Variants in ZC3HAV1L observed in about 807,000 individuals in gnomAD.
The protein encoded by ZC3HAV1L is zinc finger CCCH-type antiviral protein 1-like.
ZC3HAV1L carries 23 observed loss-of-function variants against 28.2 expected under a neutral mutation model. The ratio of observed to expected loss-of-function variants is 0.82; its 90% CI spans 0.59 to 1.16. The LOEUF (loss-of-function observed/expected upper bound fraction) is 1.16, where lower values mean the gene tolerates loss of function less well. Among genes scored for constraint, ZC3HAV1L ranks in the 50% most tolerant of loss-of-function variants. ZC3HAV1L has a pLI of 0.00. For synonymous variants in ZC3HAV1L, 180 were observed against 163.4 expected (o/e 1.10, Z -0.78); for missense variants, 376 against 387.7 (o/e 0.97, Z 0.25).
intron 2 of ZC3HAV1L, 141 bp from the exon 3 acceptor site, chr7:139,029,101 C>G: frequency 1.0e-6 from 1 of 979,892 alleles, no homozygotes; most frequent in African/African-American, 1.6e-5. Context: ...CTCCCGCGTT[C>G]AAGCAATTCT....
At chr7:139,034,966 T>A (rs1815655658) in intron 1 of ZC3HAV1L, 1 of 985,366 alleles carries the variant, frequency 1.0e-6, no homozygotes, top group South Asian at 4.7e-5. Flanking sequence ...CACCTGGCCT[T>A]CTCCCCGGCA....
chr7:139,031,511 G>T (rs1049592409), intron 2 of ZC3HAV1L, among the ~76,000 whole-genome samples: 64 of 151,984 alleles, frequency 4.2e-4, no homozygotes, highest in African/African-American at 1.5e-3. Flanking sequence ...GCTTGAACCT[G>T]GGAGGCAGAG....
intron 3 of ZC3HAV1L, among the ~76,000 whole-genome samples, 165 bp downstream of exon 3, chr7:139,028,537 A>G (rs963196077): frequency 2.6e-5 from 4 of 152,190 alleles, no homozygotes; most frequent in South Asian, 2.1e-4. Flanking sequence ...GTTCTATACA[A>G]TACAATGTTG....
intron 2 of ZC3HAV1L, among the ~76,000 whole-genome samples, chr7:139,031,766 AT>A (rs1563115317): frequency 1.3e-5 from 2 of 151,926 alleles, no homozygotes; most frequent in Non-Finnish European, 2.9e-5. Flanking sequence ...CTAGCTGGGT[AT>A]GGTGGCAAGC....
At chr7:139,033,704 AT>A in intron 2 of ZC3HAV1L, 2 of 984,902 alleles carry the variant, frequency 2.0e-6, no homozygotes, top group Non-Finnish European at 2.4e-6. Flanking sequence ...CCAAAAAAAC[AT>A]TCGATAGATT....
At chr7:139,031,661 T>C (rs1477875519) in intron 2 of ZC3HAV1L, among the ~76,000 whole-genome samples, 1 of 151,368 alleles carries the variant, frequency 6.6e-6, no homozygotes. Context: ...TCCCAGCACT[T>C]TGGGAGGCCA....
downstream of ZC3HAV1L, chr7:139,022,259 T>C (rs182734675): frequency 1.2e-4 from 21 of 173,152 alleles, no homozygotes; most frequent in Admixed American, 1.2e-3. Context: ...TTGGAAAAAA[T>C]ATGGTTAGGC....
At chr7:139,022,330 G>A (rs1478774946), downstream of ZC3HAV1L, 1 of 361,650 alleles carries the variant, frequency 2.8e-6, no homozygotes, top group Non-Finnish European at 5.6e-6. Context: ...GACTGCTTGA[G>A]CTTAGGAGTT....
intron 3 of ZC3HAV1L, among the ~76,000 whole-genome samples, chr7:139,027,245 G>C (rs1438723342): frequency 6.6e-6 from 1 of 152,158 alleles, no homozygotes; most frequent in Admixed American, 6.5e-5. Context: ...CTCCGCCTTT[G>C]GTGATTTACC....
chr7:139,030,851 TA>T (rs1815511214), intron 2 of ZC3HAV1L, among the ~76,000 whole-genome samples: 1 of 150,688 alleles, frequency 6.6e-6, no homozygotes. Context: ...ATTAATTAAT[TA>T]ATTAAATAAA....
rs1156245536 is a variant in ZC3HAV1L at position 139,035,760 on chromosome 7, G to T, written c.258C>A (p.Ser86=). The change falls in exon 1 of 5, where the codon TCC becomes TCA. Residue 86 remains serine, a synonymous_variant. Coordinates refer to ENST00000275766, the MANE Select transcript of ZC3HAV1L (RefSeq NM_080660.4). ...GGTAGCGGGCGCAGAGGCGCACAGA[G>T]GACACGGCCACCACCCTCCAGGCGG... ...GTSAWRVVAV[S]SVRLCARYQR... The T allele has an allele frequency of 6.7e-7, 1 of 1,498,580 alleles. No individual in the cohort carries two copies. Among genetic ancestry groups the T allele is most frequent in the Admixed American group, 2.2e-5 (1 of 46,394 alleles). 92.8% of individuals were successfully genotyped at this position (1,498,580 alleles called of 1,614,324 possible).
downstream of ZC3HAV1L, among the ~76,000 whole-genome samples, chr7:139,023,182 GAAAAA>G (rs565321825): frequency 1.9e-5 from 2 of 103,122 alleles, no homozygotes; most frequent in Non-Finnish European, 1.8e-5. Flanking sequence ...AAGGAAAAAA[GAAAAA>G]AAAAAAAAAA....
chr7:139,027,575 G>A (rs1190987328), intron 3 of ZC3HAV1L, among the ~76,000 whole-genome samples: 1 of 152,160 alleles, frequency 6.6e-6, no homozygotes, highest in Admixed American at 6.5e-5. Flanking sequence ...CTACCAGGGA[G>A]GCTGAGCAGA....
chr7:139,033,082 G>A (rs945982161), intron 2 of ZC3HAV1L, among the ~76,000 whole-genome samples: 1 of 152,068 alleles, frequency 6.6e-6, no homozygotes, highest in African/African-American at 2.4e-5. Context: ...GGTGGCACGT[G>A]CCTGTAGTCC....
chr7:139,034,576 C>T lies in ZC3HAV1L; in HGVS notation c.468G>A (p.Leu156=). Residue 156 remains leucine, a synonymous_variant, in exon 2 of 5, where the codon CTG becomes CTA. Coordinates refer to ENST00000275766, the MANE Select transcript of ZC3HAV1L (RefSeq NM_080660.4). The part of the protein sequence containing the change: ...FGLNENQLRI[L]LLQNDPCLLP... ...AAAGACAGGGGTCATTCTGCAAAAG[C>T]AGGATCCGAAGCTGGTTTTCATTGA... 1 of 1,614,150 alleles carries T rather than the reference C, an allele frequency of 6.2e-7. No homozygotes were observed. Among genetic ancestry groups the T allele is most frequent in the Non-Finnish European group, 8.5e-7 (1 of 1,180,028 alleles).
Position 139,033,157 on chromosome 7 carries a change from C to T in ZC3HAV1L, c.501+1386G>A, listed in dbSNP as rs554020338. Among the ~76,000 whole-genome samples the T allele has an allele frequency of 4.0e-5, 6 of 150,924 alleles. No individual in the cohort carries two copies. In the South Asian group the frequency reaches 8.3e-4, roughly 21 times the overall value. On this transcript the variant is annotated intron_variant, in intron 2 of 4. Coordinates refer to ENST00000275766, the MANE Select transcript of ZC3HAV1L (RefSeq NM_080660.4). The stretch of plus-strand genomic sequence containing the variant: ...TCAGGAGGCAGAGGCTACAGTGAGC[C>T]GAGGTACTTCCAGCCTGTGTGAGAG...
In ZC3HAV1L at chr7:139,026,610, T is replaced by C. The variant is rs372641667; in HGVS notation, c.887-50A>G. On this transcript the variant is annotated intron_variant, in intron 4 of 4. Transcript: ENST00000275766. ...CATTACAAATCTATCATTAAATGAA[T>C]GAATGGTTACAAATTAAAGCTAAAC... 2.7e-5 allele frequency: 44 copies of C among 1,612,422 alleles called. No homozygotes were observed. In the African/African-American group the frequency reaches 5.1e-4, roughly 19 times the overall value.
intron 2 of ZC3HAV1L, among the ~76,000 whole-genome samples, chr7:139,031,127 A>G (rs1306538972): frequency 2.0e-5 from 3 of 152,202 alleles, no homozygotes; most frequent in Non-Finnish European, 2.9e-5. Flanking sequence ...GCTTATCTGG[A>G]AAAGGAGACA....
At chr7:139,023,430 C>T (rs1815288372), downstream of ZC3HAV1L, among the ~76,000 whole-genome samples, 1 of 152,154 alleles carries the variant, frequency 6.6e-6, no homozygotes, top group Non-Finnish European at 1.5e-5. Context: ...GCAGGCGTCC[C>T]TTTTAGATGG....
Sources: allele counts gnomAD v4.1 joint callset (sites outside exome capture counted in the v4.1 genomes callset), GRCh38; gene constraint gnomAD v4.1.1; transcripts MANE v1.5; gene names NCBI Gene and HGNC (gene_info 2026-07-23, HGNC 2026-07-21).